LRRC37A2: variants seen among roughly 807,000 people sequenced by gnomAD.
The protein encoded by LRRC37A2 is leucine-rich repeat-containing protein 37A2.
LRRC37A2 carries 9 observed loss-of-function variants against 68.8 expected under a neutral mutation model. The observed-to-expected ratio is 0.13, with a 90% CI of 0.08 to 0.23. LRRC37A2 has a LOEUF of 0.23. Among genes scored for constraint, LRRC37A2 ranks in the 10% least tolerant of loss-of-function variants. The pLI, the probability that LRRC37A2 is intolerant of heterozygous loss-of-function variation, is 1.00. For missense variants in LRRC37A2, 168 were observed against 950.4 expected, an observed-to-expected ratio of 0.18 and a Z score of 10.82; for synonymous variants, 63 against 367.6, an observed-to-expected ratio of 0.17 and a Z score of 9.48.
At chr17:46,819,878 C>G in the LRRC37A2 span, among the ~76,000 whole-genome samples, 1 of 152,210 alleles carries the variant, frequency 6.6e-6, no homozygotes, top group Admixed American at 6.5e-5. This position sits in a 1 kb window ranked among gnomAD's most constrained non-coding sequence, Gnocchi z 5.3. Flanking sequence ...GGACTCACGC[C>G]CGGTCACCTG....
At chr17:46,991,656 T>C in the LRRC37A2 span, among the ~76,000 whole-genome samples, 1 of 151,772 alleles carries the variant, frequency 6.6e-6, no homozygotes, top group Non-Finnish European at 1.5e-5. Context: ...AAATAAACAG[T>C]ATAAAACCAC....
At chr17:46,972,945 A>C in the LRRC37A2 span, 8 of 153,902 alleles carry the variant, frequency 5.2e-5, no homozygotes. Flanking sequence ...CTTGTACGTC[A>C]AGTTTATTAG....
At chr17:46,458,786 C>T in the LRRC37A2 span, among the ~76,000 whole-genome samples, 1 of 109,450 alleles carries the variant, frequency 9.1e-6, no homozygotes, top group African/African-American at 3.2e-5. Context: ...GGTGATCTGC[C>T]CGCCTTGGCC....
the LRRC37A2 span, chr17:46,938,699 TGATAGGTGG>T: frequency 6.2e-7 from 1 of 1,613,880 alleles, no homozygotes; most frequent in South Asian, 1.1e-5. Flanking sequence ...AAGTACTTTA[TGATAGGTGG>T]GATGCTGCTG....
At chr17:46,908,253 G>A in the LRRC37A2 span, among the ~76,000 whole-genome samples, 1 of 148,748 alleles carries the variant, frequency 6.7e-6, no homozygotes. Flanking sequence ...AGGACACGTT[G>A]GCCTCATGGC....
At chr17:47,023,162 A>G in the LRRC37A2 span, among the ~76,000 whole-genome samples, 1 of 152,232 alleles carries the variant, frequency 6.6e-6, no homozygotes, top group African/African-American at 2.4e-5. Flanking sequence ...AAATATCTTT[A>G]TACGTTTGTT....
At chr17:46,863,817 C>T in the LRRC37A2 span, among the ~76,000 whole-genome samples, 3 of 152,066 alleles carry the variant, frequency 2.0e-5, no homozygotes, top group Non-Finnish European at 4.4e-5. Flanking sequence ...TTAGGACAGT[C>T]CTAGTGGTTC....
At chr17:46,782,713 G>A in the LRRC37A2 span, among the ~76,000 whole-genome samples, 1 of 152,204 alleles carries the variant, frequency 6.6e-6, no homozygotes, top group Non-Finnish European at 1.5e-5. Context: ...TAGTGACGAG[G>A]CAATCACTGC....
chr17:46,872,517 C>T, the LRRC37A2 span: 2 of 1,538,514 alleles, frequency 1.3e-6, no homozygotes, highest in Non-Finnish European at 1.8e-6. Flanking sequence ...CTCTCTCTAG[C>T]CTGACCGGGC....
chr17:46,774,174 T>C, the LRRC37A2 span, among the ~76,000 whole-genome samples: 1 of 152,316 alleles, frequency 6.6e-6, no homozygotes, highest in Non-Finnish European at 1.5e-5. Flanking sequence ...TTGGGGGCAA[T>C]GCAAAGCCAT....
the LRRC37A2 span, among the ~76,000 whole-genome samples, chr17:46,934,785 A>G: frequency 1.3e-5 from 2 of 152,212 alleles, no homozygotes; most frequent in African/African-American, 4.8e-5. Flanking sequence ...GTATCGTTGG[A>G]ATGAACGATA....
chr17:46,779,053 T>TCACACACACACACACACACACACA, the LRRC37A2 span, among the ~76,000 whole-genome samples: 204 of 100,650 alleles, frequency 2.0e-3, 4 homozygotes, highest in Admixed American at 4.1e-3. Context: ...CCCTACCCCA[T>TCACACACACACACACACACACACA]CACACACACA....
the LRRC37A2 span, among the ~76,000 whole-genome samples, chr17:46,974,890 C>CA: frequency 1.3e-5 from 2 of 151,934 alleles, no homozygotes; most frequent in African/African-American, 4.8e-5. Context: ...AGTGGAAGCT[C>CA]AGTGTTTGGC....
the LRRC37A2 span, among the ~76,000 whole-genome samples, chr17:46,906,413 T>A: frequency 7.2e-5 from 11 of 152,188 alleles, no homozygotes; most frequent in African/African-American, 2.7e-4. Context: ...AATTTTATTT[T>A]AAAAATTAAA....
chr17:46,785,012 C>T, the LRRC37A2 span, among the ~76,000 whole-genome samples: 1 of 152,242 alleles, frequency 6.6e-6, no homozygotes, highest in South Asian at 2.1e-4. Flanking sequence ...CTCCTGACCT[C>T]GTGATCTGCC....
the LRRC37A2 span, chr17:46,851,756 C>T: frequency 9.5e-7 from 1 of 1,055,876 alleles, no homozygotes; most frequent in Non-Finnish European, 1.2e-6. The surrounding 1 kb of genome is among the most constrained non-coding windows in gnomAD (Gnocchi z 4.3). Flanking sequence ...CCCGGCCTGC[C>T]TGTCTCTCCC....
At chr17:46,904,347 G>A in the LRRC37A2 span, among the ~76,000 whole-genome samples, 1 of 151,254 alleles carries the variant, frequency 6.6e-6, no homozygotes, top group Non-Finnish European at 1.5e-5. Context: ...GTGGATGGGT[G>A]GATGGATGTG....
chr17:46,876,903 A>G, the LRRC37A2 span: 2 of 1,367,226 alleles, frequency 1.5e-6, no homozygotes, highest in Non-Finnish European at 9.4e-7. Context: ...TCGATACTCA[A>G]CAAAGAGAAG....
chr17:46,756,025 A>G, the LRRC37A2 span: 10 of 563,896 alleles, frequency 1.8e-5, no homozygotes, highest in South Asian at 5.0e-5. Flanking sequence ...GAAGGTGTCA[A>G]TTTGGTTTAG....
Sources: allele counts gnomAD v4.1 joint callset (sites outside exome capture counted in the v4.1 genomes callset), GRCh38; gene constraint gnomAD v4.1.1; non-coding constraint Gnocchi (gnomAD v3.1); transcripts MANE v1.5; gene names NCBI Gene and HGNC (gene_info 2026-07-23, HGNC 2026-07-21).